Variants in MAGI2 observed in about 807,000 individuals in gnomAD.
MAGI2 encodes membrane-associated guanylate kinase, WW and PDZ domain-containing protein 2.
Under a neutral mutation model 133.3 loss-of-function variants are expected in MAGI2, and 35 were observed. The observed-to-expected ratio is 0.26, with a 90% CI of 0.20 to 0.35. MAGI2 has a LOEUF of 0.35. Ranked by LOEUF, MAGI2 falls within the 10% of genes least tolerant of loss-of-function variation. MAGI2 has a pLI of 1.00. For synonymous variants in MAGI2, 729 were observed against 710.6 expected (o/e 1.03, Z -0.41); for missense variants, 1,636 against 1,863.4 (o/e 0.88, Z 2.25).
In MAGI2 at chr7:78,170,527, A is replaced by G. The variant is rs1017449903; in HGVS notation, c.2404-2419T>C. The G allele has an allele frequency of 5.3e-5, 8 of 152,184 alleles. No homozygotes were observed. In the East Asian group the frequency reaches 1.3e-3, roughly 26 times the overall value. 9.4% of individuals were successfully genotyped at this position (152,184 alleles called of 1,614,324 possible). On this transcript the variant is annotated intron_variant, in intron 14 of 21. Coordinates refer to ENST00000354212, the MANE Select transcript of MAGI2 (RefSeq NM_012301.4). ...CTGGAAATTCATCAGTGAACAATAA[A>G]CAAAAATCACTACCCTATAGAGCTT...
chr7:78,350,648 G>A (rs879600170), intron 7 of MAGI2: 2 of 152,168 alleles, frequency 1.3e-5, no homozygotes, highest in African/African-American at 4.8e-5. Context: ...AAGCACTGAG[G>A]GAAGGAAATA....
intron 1 of MAGI2, among the ~76,000 whole-genome samples, chr7:79,147,281 C>G (rs1244375682): frequency 6.6e-6 from 1 of 152,160 alleles, no homozygotes; most frequent in Non-Finnish European, 1.5e-5. Context: ...AACCAAGAGT[C>G]AGGAACAGGA....
At chr7:78,536,273 C>T (rs1044995588) in intron 3 of MAGI2, among the ~76,000 whole-genome samples, 1 of 149,658 alleles carries the variant, frequency 6.7e-6, no homozygotes, top group African/African-American at 2.5e-5. Flanking sequence ...CCACTACGCC[C>T]GGCTAATTTT....
intron 6 of MAGI2, among the ~76,000 whole-genome samples, chr7:78,467,167 GCTGGTT>G (rs1790718213): frequency 3.3e-5 from 5 of 152,094 alleles, no homozygotes; most frequent in African/African-American, 9.7e-5. Context: ...ACTGTGATAT[GCTGGTT>G]CTCTGTCACA....
chr7:79,229,313 C>T (rs1044368095), intron 1 of MAGI2, among the ~76,000 whole-genome samples: 3 of 152,022 alleles, frequency 2.0e-5, no homozygotes, highest in Admixed American at 6.6e-5. Context: ...TCCATAAAAC[C>T]CCATACATGC....
chr7:78,627,110 T>G lies in MAGI2; in HGVS notation c.538+10A>C. 1 of 1,568,334 alleles carries G rather than the reference T, an allele frequency of 6.4e-7. No homozygotes were observed. Among genetic ancestry groups the G allele is most frequent in the Non-Finnish European group, 8.6e-7 (1 of 1,160,254 alleles). On this transcript the variant is annotated intron_variant, in intron 3 of 21. Coordinates refer to ENST00000354212, the MANE Select transcript of MAGI2 (RefSeq NM_012301.4). Reference sequence around the variant, plus strand: ...CAACAAGAAAGATTTCTCAGGAACGTTGTGCTTACCTTCATAAGTCCCACT... The same window carrying G: ...CAACAAGAAAGATTTCTCAGGAACGGTGTGCTTACCTTCATAAGTCCCACT...
At chr7:79,353,602 C>G in intron 1 of MAGI2, 1 of 412,410 alleles carries the variant, frequency 2.4e-6, no homozygotes, top group South Asian at 1.8e-5. Context: ...GATCTTCCTG[C>G]TCTTTCACAA....
chr7:79,186,660 C>A lies in MAGI2; in HGVS notation c.302-179454G>T, dbSNP rs1827170556. ...TATAAGTGCATATATATAATATAAA[C>A]AAAGGACGTTTACATTTTATACGAG... On this transcript the variant is annotated intron_variant, in intron 1 of 21. Coordinates refer to ENST00000354212, the MANE Select transcript of MAGI2 (RefSeq NM_012301.4). 2.5e-5 allele frequency among the ~76,000 whole-genome samples: 3 copies of A among 121,014 alleles called. 1 individual carries two copies. The highest frequency in any genetic ancestry group is 4.4e-4 in the South Asian group (2 of 4,560). 79.4% of individuals were successfully genotyped at this position (121,014 alleles called of 152,430 possible). A position where few individuals can be genotyped will look rare whatever the true frequency, so the allele number is the denominator to read the frequency against.
rs1417031533 is a variant in MAGI2, at chr7:78,375,041, C to T, written c.1046-5828G>A. Reference sequence around the variant, plus strand: ...TATTTTTAGTAGAGATGGGGTTGCACCATGTTGGCAAGGCTGGTCTCCAAC... The same window carrying T: ...TATTTTTAGTAGAGATGGGGTTGCATCATGTTGGCAAGGCTGGTCTCCAAC... On this transcript the variant is annotated intron_variant, in intron 6 of 21. Coordinates refer to ENST00000354212, the MANE Select transcript of MAGI2 (RefSeq NM_012301.4). 3.3e-5 allele frequency among the ~76,000 whole-genome samples: 5 copies of T among 151,896 alleles called. No homozygotes were observed. The East Asian group carries it at 9.7e-4, about 29-fold the overall frequency.
At chr7:78,377,410 GT>G (rs1794540182) in intron 6 of MAGI2, among the ~76,000 whole-genome samples, 1 of 151,830 alleles carries the variant, frequency 6.6e-6, no homozygotes, top group African/African-American at 2.4e-5. Flanking sequence ...GTGAAGAAAT[GT>G]TTCTAGCAAA....
At chr7:78,076,232 G>A (rs1488498267) in intron 21 of MAGI2, among the ~76,000 whole-genome samples, 3 of 151,940 alleles carry the variant, frequency 2.0e-5, no homozygotes, top group South Asian at 2.1e-4. Flanking sequence ...TGAGATGGGC[G>A]GATTGTTCTG....
intron 3 of MAGI2, among the ~76,000 whole-genome samples, chr7:78,592,848 T>TTTC (rs1804173227): frequency 8.2e-6 from 1 of 121,934 alleles, no homozygotes; most frequent in Admixed American, 8.7e-5. Context: ...TTTTTTTTTT[T>TTTC]TTTTGAGACA....
rs117337599 is a variant in MAGI2 at position 78,496,272 on chromosome 7, C to T, written c.965+5305G>A. Reference sequence around the variant, plus strand: ...TGACATTTTTCACAGATGTGATTTTCGGTTTCAAAAGCCTGCATTTAAAAA... The same window carrying T: ...TGACATTTTTCACAGATGTGATTTTTGGTTTCAAAAGCCTGCATTTAAAAA... On this transcript the variant is annotated intron_variant, in intron 5 of 21. Transcript: ENST00000354212. Among the ~76,000 whole-genome samples, 962 of 152,234 alleles carry T rather than the reference C, an allele frequency of 6.3e-3. 5 individuals carry two copies. Among genetic ancestry groups the T allele is most frequent in the South Asian group, 0.011 (51 of 4,834 alleles).
chr7:78,073,035 A>C (rs760924515), intron 21 of MAGI2: 4 of 398,264 alleles, frequency 1.0e-5, no homozygotes, highest in African/African-American at 2.1e-5. Context: ...GTACTGCTTC[A>C]CCTGCTGCTC....
intron 3 of MAGI2, among the ~76,000 whole-genome samples, chr7:78,586,951 C>T (rs1232116042): frequency 1.3e-5 from 2 of 152,130 alleles, no homozygotes; most frequent in African/African-American, 4.8e-5. Flanking sequence ...TATGTATATA[C>T]CACATTTTGT....
chr7:78,214,478 T>C (rs1017715864), intron 10 of MAGI2, among the ~76,000 whole-genome samples: 4 of 151,970 alleles, frequency 2.6e-5, no homozygotes, highest in African/African-American at 9.7e-5. Context: ...TGTTGGGAGA[T>C]ATGAGATATG....
At chr7:78,493,408 G>A (rs552181178) in intron 5 of MAGI2, among the ~76,000 whole-genome samples, 1 of 152,154 alleles carries the variant, frequency 6.6e-6, no homozygotes, top group Non-Finnish European at 1.5e-5. Context: ...GTCATTTCTC[G>A]ATTGTCTACT....
chr7:78,452,010 G>A lies in MAGI2; in HGVS notation c.1045+37751C>T, dbSNP rs115198585. Among the ~76,000 whole-genome samples the A allele has an allele frequency of 3.8e-3, 578 of 152,154 alleles. 5 individuals carry two copies. Among genetic ancestry groups the A allele is most frequent in the African/African-American group, 0.013 (546 of 41,514 alleles). ...TTTCCTTTATTTCCAAGATCTGGTTGAATCCTGAGGGATACTGATGTAACA... is the reference window on the plus strand; with the variant it reads ...TTTCCTTTATTTCCAAGATCTGGTTAAATCCTGAGGGATACTGATGTAACA... On this transcript the variant is annotated intron_variant, in intron 6 of 21. Transcript: ENST00000354212.
chr7:78,799,754 G>T (rs1286347358), intron 2 of MAGI2, among the ~76,000 whole-genome samples: 1 of 152,100 alleles, frequency 6.6e-6, no homozygotes, highest in Non-Finnish European at 1.5e-5. Context: ...CAAGTTCTTG[G>T]TTGAAGCTGT....
Sources: gnomAD v4.1 joint callset for allele counts (sites outside exome capture counted in the v4.1 genomes callset) on GRCh38, gnomAD v4.1.1 for gene constraint, MANE v1.5 for transcripts, NCBI Gene and HGNC (gene_info 2026-07-23, HGNC 2026-07-21) for gene names.